Variants in TENM4 observed in about 807,000 individuals in gnomAD.
TENM4 encodes the protein teneurin-4.
TENM4 carries 82 observed loss-of-function variants against 243.3 expected under a neutral mutation model. The ratio of observed to expected loss-of-function variants is 0.34; its 90% confidence interval spans 0.28 to 0.40. The LOEUF (loss-of-function observed/expected upper bound fraction) is 0.40. TENM4 is among the 10% of genes least tolerant of loss of function. The probability of loss-of-function intolerance (pLI) is 1.00; values close to 1 mark genes in which losing one functional copy is unlikely to be tolerated. For synonymous variants in TENM4, 1,412 were observed against 1,456.3 expected, an observed-to-expected ratio of 0.97 and a Z score of 0.69; for missense variants, 3,138 against 3,673.3, an observed-to-expected ratio of 0.85 and a Z score of 3.77.
intron 28 of TENM4, among the ~76,000 whole-genome samples, chr11:78,694,654 C>T (rs56334147): frequency 6.6e-6 from 1 of 152,130 alleles, no homozygotes; most frequent in East Asian, 1.9e-4. Context: ...GCTGGTTATT[C>T]TCTGTTCCCC....
intron 6 of TENM4, among the ~76,000 whole-genome samples, chr11:78,983,266 G>A (rs187087408): frequency 5.1e-4 from 78 of 152,326 alleles, no homozygotes; most frequent in Admixed American, 4.1e-3. Context: ...CTTGGGTCAG[G>A]AACTGGTGAT....
chr11:78,804,017 G>A (rs1186709631), intron 15 of TENM4, among the ~76,000 whole-genome samples: 4 of 152,202 alleles, frequency 2.6e-5, no homozygotes, highest in Admixed American at 6.5e-5. Context: ...CCAAAGGCAT[G>A]AATGCTACAT....
At chr11:78,728,415 G>T (rs1337921188) in intron 22 of TENM4, among the ~76,000 whole-genome samples, 4 of 152,108 alleles carry the variant, frequency 2.6e-5, no homozygotes, top group African/African-American at 9.7e-5. Context: ...CCCACAGTAG[G>T]TGCTCAAGCA....
At chr11:79,350,884 T>C (rs1032769483) in intron 1 of TENM4, among the ~76,000 whole-genome samples, 1 of 152,118 alleles carries the variant, frequency 6.6e-6, no homozygotes, top group Non-Finnish European at 1.5e-5. Flanking sequence ...AACCCTCCAA[T>C]TACCCTCTAT....
At chr11:79,431,357 C>T (rs7118514) in intron 1 of TENM4, among the ~76,000 whole-genome samples, 94,926 of 152,038 alleles carry the variant, frequency 0.62, 29,694 homozygotes, top group African/African-American at 0.64. Flanking sequence ...ACTTATTCCA[C>T]CCAATTGTTT....
chr11:78,699,690 A>G (rs1302261473), intron 28 of TENM4, among the ~76,000 whole-genome samples: 1 of 152,216 alleles, frequency 6.6e-6, no homozygotes, highest in African/African-American at 2.4e-5. Context: ...AACATCAACT[A>G]TAGCTGTATA....
At chr11:78,800,736 GGAGAGAGAGAGAGA>G (rs5792816) in intron 15 of TENM4, among the ~76,000 whole-genome samples, 1 of 144,272 alleles carries the variant, frequency 6.9e-6, no homozygotes, top group Non-Finnish European at 1.5e-5. Context: ...AGTTCACAGG[GGAGAGAGAGAGAGA>G]GAGAGAGAGA....
At chr11:78,704,157 G>GTGTATATATATATATATATATA (rs1201390547) in intron 27 of TENM4, among the ~76,000 whole-genome samples, 2 of 70,534 alleles carry the variant, frequency 2.8e-5, no homozygotes, top group African/African-American at 1.2e-4. Flanking sequence ...ATGTATGTGT[G>GTGTATATATATATATATATATA]TCTATATATA....
intron 1 of TENM4, among the ~76,000 whole-genome samples, chr11:79,308,360 C>T (rs531757128): frequency 6.6e-6 from 1 of 151,990 alleles, no homozygotes; most frequent in African/African-American, 2.4e-5. Flanking sequence ...ATTTTTCTTC[C>T]TTTTTTTTCA....
At chr11:78,965,864 G>A (rs1023074562) in intron 6 of TENM4, among the ~76,000 whole-genome samples, 5 of 152,148 alleles carry the variant, frequency 3.3e-5, no homozygotes, top group Non-Finnish European at 7.3e-5. Context: ...TTAGTCATTG[G>A]CAACTTTGAA....
intron 21 of TENM4, 52 bp downstream of exon 21, chr11:78,732,264 C>T (rs1205234869): frequency 1.2e-5 from 19 of 1,541,974 alleles, no homozygotes; most frequent in East Asian, 2.3e-5. Context: ...TCCTCCTCCA[C>T]CCCCAAAATG....
intron 2 of TENM4, among the ~76,000 whole-genome samples, chr11:79,248,788 T>C (rs1032925413): frequency 6.6e-6 from 1 of 152,138 alleles, no homozygotes; most frequent in African/African-American, 2.4e-5. Context: ...TTTTTTCCCC[T>C]AGCAGAGACT....
intron 1 of TENM4, among the ~76,000 whole-genome samples, chr11:79,395,742 A>G (rs1565328809): frequency 6.6e-6 from 1 of 152,156 alleles, no homozygotes; most frequent in Non-Finnish European, 1.5e-5. Context: ...ACTCACTCCA[A>G]TAACTGGATA....
At chr11:79,149,056 G>C (rs898404810) in intron 3 of TENM4, among the ~76,000 whole-genome samples, 62 of 152,264 alleles carry the variant, frequency 4.1e-4, no homozygotes, top group African/African-American at 1.5e-3. Flanking sequence ...TGATGGACAA[G>C]TAAAAGGATG....
intron 6 of TENM4, among the ~76,000 whole-genome samples, chr11:78,968,616 G>T (rs907944858): frequency 6.6e-6 from 1 of 152,186 alleles, no homozygotes; most frequent in Non-Finnish European, 1.5e-5. Flanking sequence ...GAGGGGTGGG[G>T]CATTTACAGA....
chr11:79,105,177 A>G (rs1308032669), intron 4 of TENM4, among the ~76,000 whole-genome samples: 1 of 152,230 alleles, frequency 6.6e-6, no homozygotes, highest in Non-Finnish European at 1.5e-5. Flanking sequence ...CCCTCTCAAC[A>G]TATTTAATAG....
At chr11:79,351,266 A>G (rs1472704839) in intron 1 of TENM4, among the ~76,000 whole-genome samples, 2 of 152,040 alleles carry the variant, frequency 1.3e-5, no homozygotes, top group Admixed American at 1.3e-4. Flanking sequence ...CTTCTCATAT[A>G]TGGTATCATC....
intron 28 of TENM4, among the ~76,000 whole-genome samples, chr11:78,696,675 C>T (rs1190494564): frequency 2.0e-4 from 30 of 152,150 alleles, no homozygotes; most frequent in Admixed American, 2.0e-3. Flanking sequence ...TTTTTTCCCT[C>T]AAGGTCCACA....
At position 79,365,622 on chromosome 11, in the gene TENM4, T is replaced by C. The variant is rs567135928; in HGVS notation, c.-320-68079A>G. Among the ~76,000 whole-genome samples, 3 of 152,304 alleles carry C rather than the reference T, an allele frequency of 2.0e-5. No individual in the cohort carries two copies. The South Asian group carries it at 6.2e-4, about 32-fold the overall frequency. ...CAATGATGAACATGACAGCCACAGC[T>C]ACTGCCCTTTGGAGCTTACACTGCA... is the stretch of plus-strand genomic sequence containing the variant. On this transcript the variant is annotated intron_variant, in intron 1 of 33. Transcript: ENST00000278550.
Sources: gnomAD v4.1 joint callset for allele counts (sites outside exome capture counted in the v4.1 genomes callset) on GRCh38, gnomAD v4.1.1 for gene constraint, MANE v1.5 for transcripts, NCBI Gene and HGNC (gene_info 2026-07-23, HGNC 2026-07-21) for gene names.